Variants in XKR6 observed in about 807,000 individuals in gnomAD.
XKR6 encodes XK-related protein 6.
XKR6 carries 22 observed loss-of-function variants against 56.7 expected under a neutral mutation model. That is an observed-to-expected ratio of 0.39 (90% CI 0.28 to 0.55). The LOEUF (loss-of-function observed/expected upper bound fraction) is 0.55. Among genes scored for constraint, XKR6 ranks in the 20% least tolerant of loss-of-function variants. The pLI, the probability that XKR6 is intolerant of heterozygous loss-of-function variation, is 0.66. For synonymous variants in XKR6, 524 were observed against 387.8 expected (o/e 1.35, Z -4.13); for missense variants, 852 against 889.0 (o/e 0.96, Z 0.53).
At chr8:11,032,834 G>A (rs1019787385) in intron 1 of XKR6, among the ~76,000 whole-genome samples, 4 of 152,206 alleles carry the variant, frequency 2.6e-5, no homozygotes, top group Admixed American at 6.5e-5. Context: ...GCCCACAAAG[G>A]TGTTGACACT....
chr8:11,132,846 C>T (rs969033463), intron 1 of XKR6, among the ~76,000 whole-genome samples: 9 of 133,388 alleles, frequency 6.7e-5, no homozygotes, highest in African/African-American at 2.8e-4. Context: ...ACCTGTAATG[C>T]TTTGTATGAT....
chr8:10,967,113 C>G (rs916584975), intron 1 of XKR6, among the ~76,000 whole-genome samples: 5 of 152,216 alleles, frequency 3.3e-5, no homozygotes, highest in African/African-American at 1.2e-4. Flanking sequence ...CGTCATAGGT[C>G]TGCATGACAG....
intron 1 of XKR6, among the ~76,000 whole-genome samples, chr8:11,052,318 G>A (rs893888314): frequency 6.6e-6 from 1 of 152,140 alleles, no homozygotes; most frequent in Non-Finnish European, 1.5e-5. Flanking sequence ...CATCCCATAA[G>A]GCACTATCTG....
chr8:11,025,287 C>A (rs1480296510), intron 1 of XKR6, among the ~76,000 whole-genome samples: 1 of 152,210 alleles, frequency 6.6e-6, no homozygotes, highest in Admixed American at 6.5e-5. Context: ...CGTTTGATGT[C>A]CCTGTGCCTT....
At chr8:10,948,734 CCCGGCGTGTAGCTGTGG>C (rs1283818063) in intron 1 of XKR6, among the ~76,000 whole-genome samples, 2 of 152,232 alleles carry the variant, frequency 1.3e-5, no homozygotes, top group Non-Finnish European at 2.9e-5. Context: ...GCACTCCCAC[CCCGGCGTGTAGCTGTGG>C]CTTATCAAGC....
chr8:11,040,103 G>T (rs1799247996), intron 1 of XKR6, among the ~76,000 whole-genome samples: 1 of 152,114 alleles, frequency 6.6e-6, no homozygotes. Flanking sequence ...TCCTTGGGAA[G>T]GGTGAGACCT....
chr8:11,033,397 A>C (rs1799050968), intron 1 of XKR6, among the ~76,000 whole-genome samples: 1 of 149,654 alleles, frequency 6.7e-6, no homozygotes, highest in Non-Finnish European at 1.5e-5. Flanking sequence ...GATGATGATG[A>C]CGATAGTGAT....
intron 1 of XKR6, among the ~76,000 whole-genome samples, chr8:11,126,560 G>A (rs1033999382): frequency 6.6e-6 from 1 of 151,926 alleles, no homozygotes; most frequent in African/African-American, 2.4e-5. Context: ...TCTCAGCTTT[G>A]CAACGCAGGG....
chr8:11,179,074 C>A (rs1358589571), intron 1 of XKR6, among the ~76,000 whole-genome samples: 1 of 122,262 alleles, frequency 8.2e-6, no homozygotes, highest in Non-Finnish European at 1.6e-5. Context: ...CCAGGCTTGT[C>A]TCGAACTCTC....
At chr8:11,141,307 C>G (rs1463563871) in intron 1 of XKR6, among the ~76,000 whole-genome samples, 1 of 152,122 alleles carries the variant, frequency 6.6e-6, no homozygotes, top group African/African-American at 2.4e-5. Flanking sequence ...TGTTGAAACA[C>G]TAATCCCCAA....
chr8:11,126,380 T>G (rs1799798468), intron 1 of XKR6, among the ~76,000 whole-genome samples: 2 of 152,218 alleles, frequency 1.3e-5, no homozygotes, highest in Non-Finnish European at 2.9e-5. Flanking sequence ...TTGGCGTTTT[T>G]TAAGTGATAA....
intron 1 of XKR6, among the ~76,000 whole-genome samples, chr8:11,151,105 C>T (rs1801247406): frequency 6.6e-6 from 1 of 152,156 alleles, no homozygotes; most frequent in African/African-American, 2.4e-5. Context: ...CCTTTTACCA[C>T]ATTCCCTAAC....
chr8:11,177,794 C>CA (rs1563197103), intron 1 of XKR6, among the ~76,000 whole-genome samples: 1 of 152,220 alleles, frequency 6.6e-6, no homozygotes, highest in Admixed American at 6.5e-5. Context: ...CCTGCTCACG[C>CA]ATTGACTGCA....
At chr8:11,078,611 G>A (rs1181822583) in intron 1 of XKR6, among the ~76,000 whole-genome samples, 4 of 152,208 alleles carry the variant, frequency 2.6e-5, no homozygotes, top group Non-Finnish European at 5.9e-5. Flanking sequence ...AGGACCTGAG[G>A]GTTGTGGCTC....
intron 1 of XKR6, chr8:11,108,867 G>C (rs1046636370): frequency 6.6e-6 from 1 of 152,420 alleles, no homozygotes; most frequent in Non-Finnish European, 1.5e-5. Flanking sequence ...TGTCTGTACA[G>C]TCTTCCCAGG....
At chr8:11,176,995 A>G (rs748902496) in intron 1 of XKR6, among the ~76,000 whole-genome samples, 3 of 152,180 alleles carry the variant, frequency 2.0e-5, no homozygotes, top group African/African-American at 7.2e-5. Flanking sequence ...CAGGACGCCA[A>G]TGTCATCTCA....
chr8:10,976,850 C>T (rs1043637111), intron 1 of XKR6, among the ~76,000 whole-genome samples: 1 of 152,112 alleles, frequency 6.6e-6, no homozygotes, highest in South Asian at 2.1e-4. Flanking sequence ...TGTGGCCTCC[C>T]TGAAAGAAAA....
intron 1 of XKR6, among the ~76,000 whole-genome samples, chr8:10,944,126 T>A (rs549428718): frequency 7.2e-5 from 11 of 151,946 alleles, no homozygotes; most frequent in Non-Finnish European, 1.5e-4. Context: ...CCCACCACGG[T>A]AACATCCAAT....
chr8:11,027,207 A>C (rs1798889887), intron 1 of XKR6, among the ~76,000 whole-genome samples: 1 of 152,226 alleles, frequency 6.6e-6, no homozygotes, highest in Non-Finnish European at 1.5e-5. Context: ...AACATATTTA[A>C]ACGTAGAAAA....
Sources: gnomAD v4.1 joint callset for allele counts (sites outside exome capture counted in the v4.1 genomes callset) on GRCh38, gnomAD v4.1.1 for gene constraint, MANE v1.5 for transcripts, NCBI Gene and HGNC (gene_info 2026-07-23, HGNC 2026-07-21) for gene names.